Variants in PRSS38 observed in about 807,000 individuals in gnomAD.
PRSS38 encodes the protein marapsin 2.
PRSS38 carries 22 observed loss-of-function variants against 26.8 expected under a neutral mutation model. That is an observed-to-expected ratio of 0.82 (90% CI 0.59 to 1.17). The LOEUF is 1.17. PRSS38 is among the 50% of genes most tolerant of loss of function. The pLI, the probability that PRSS38 is intolerant of heterozygous loss-of-function variation, is 0.00. For missense variants in PRSS38, 427 were observed against 422.7 expected (o/e 1.01, Z -0.09); for synonymous variants, 175 against 172.1 (o/e 1.02, Z -0.13).
intron 3 of PRSS38, among the ~76,000 whole-genome samples, chr1:227,842,888 T>G (rs1232426878): frequency 6.6e-6 from 1 of 152,214 alleles, no homozygotes; most frequent in Non-Finnish European, 1.5e-5. Context: ...CTGAGGGAAC[T>G]TCTTACCATG....
intron 3 of PRSS38, among the ~76,000 whole-genome samples, chr1:227,834,864 T>C (rs1665216746): frequency 6.6e-6 from 1 of 152,052 alleles, no homozygotes; most frequent in African/African-American, 2.4e-5. Context: ...TTCATTGAAA[T>C]TAAAAACTTT....
chr1:227,846,200 G>T (rs752080874), exon 5 of PRSS38: 1 of 1,609,266 alleles, frequency 6.2e-7, no homozygotes, highest in Non-Finnish European at 8.5e-7. Flanking sequence ...TGGCTGGTCA[G>T]TGCTGTGAGG....
intron 3 of PRSS38, among the ~76,000 whole-genome samples, chr1:227,838,026 G>A (rs1227197460): frequency 6.6e-6 from 1 of 152,116 alleles, no homozygotes; most frequent in Non-Finnish European, 1.5e-5. Flanking sequence ...AAGGTGTTGG[G>A]ATGACAGTCG....
At chr1:227,817,390 T>C in exon 3 of PRSS38, 1 of 1,614,140 alleles carries the variant, frequency 6.2e-7, no homozygotes, top group Non-Finnish European at 8.5e-7. Flanking sequence ...GTTTTCTGAG[T>C]CCGTGCTCCC....
chr1:227,841,455 G>A (rs1249269674), intron 3 of PRSS38, among the ~76,000 whole-genome samples: 1 of 152,260 alleles, frequency 6.6e-6, no homozygotes, highest in Non-Finnish European at 1.5e-5. Context: ...TGTGGGAAAG[G>A]CGGGGAAGGG....
At chr1:227,818,729 T>A (rs1403008728) in intron 3 of PRSS38, among the ~76,000 whole-genome samples, 5 of 151,322 alleles carry the variant, frequency 3.3e-5, no homozygotes, top group Non-Finnish European at 5.9e-5. Flanking sequence ...GTCTAGAATT[T>A]TTTTTCTTAG....
intron 3 of PRSS38, among the ~76,000 whole-genome samples, chr1:227,818,137 G>A (rs1017450626): frequency 5.3e-5 from 8 of 152,172 alleles, no homozygotes; most frequent in African/African-American, 1.9e-4. Flanking sequence ...ACCTCCAGTA[G>A]AAATGATGCC....
chr1:227,817,393 G>A (rs368289127), exon 3 of PRSS38: 215 of 1,614,168 alleles, frequency 1.3e-4, no homozygotes, highest in South Asian at 4.1e-4. Flanking sequence ...TTCTGAGTCC[G>A]TGCTCCCGGT....
chr1:227,834,939 T>G (rs1407186305), intron 3 of PRSS38, among the ~76,000 whole-genome samples: 1 of 152,176 alleles, frequency 6.6e-6, no homozygotes. Context: ...AATTATGAAT[T>G]GATAAAAGCC....
At chr1:227,846,335 G>A in exon 5 of PRSS38, 1 of 1,233,296 alleles carries the variant, frequency 8.1e-7, no homozygotes, top group Non-Finnish European at 1.1e-6. Context: ...TCCCGGGGGT[G>A]GATGCTGAGT....
chr1:227,825,308 C>T (rs538797233), intron 3 of PRSS38, among the ~76,000 whole-genome samples: 6 of 152,172 alleles, frequency 3.9e-5, no homozygotes, highest in Non-Finnish European at 7.3e-5. Context: ...TGTCCTGCCT[C>T]AGCCTCTGGA....
At chr1:227,818,334 A>G (rs1212810795) in intron 3 of PRSS38, among the ~76,000 whole-genome samples, 2 of 152,266 alleles carry the variant, frequency 1.3e-5, no homozygotes, top group South Asian at 2.1e-4. Context: ...GTTTGCGGCA[A>G]CTCTTGAGAG....
At chr1:227,817,463 G>A in exon 3 of PRSS38, 1 of 1,614,196 alleles carries the variant, frequency 6.2e-7, no homozygotes, top group South Asian at 1.1e-5. Flanking sequence ...ACGGGATGGG[G>A]ACTAGTCTCA....
In PRSS38 at chr1:227,832,897, T is replaced by A. The variant is rs906011861; in HGVS notation, c.584-12573T>A. Among the ~76,000 whole-genome samples, 18 of 152,030 alleles carry A rather than the reference T, an allele frequency of 1.2e-4. No homozygotes were observed. The East Asian group carries it at 3.5e-3, about 29-fold the overall frequency. On this transcript the variant is annotated intron_variant, in intron 3 of 4. Coordinates refer to ENST00000366757, the Ensembl canonical transcript of PRSS38. ...GCTTCTATACAACCTCAATGAACAA[T>A]TCAAAAAGGAAATTAAGAAAATTGT...
intron 3 of PRSS38, among the ~76,000 whole-genome samples, chr1:227,817,867 T>C (rs1572079560): frequency 6.6e-6 from 1 of 152,196 alleles, no homozygotes; most frequent in East Asian, 1.9e-4. Flanking sequence ...CACTTTACAA[T>C]ATTTAGGTCT....
chr1:227,828,888 G>C (rs1487734258), intron 3 of PRSS38, among the ~76,000 whole-genome samples: 1 of 152,104 alleles, frequency 6.6e-6, no homozygotes, highest in Non-Finnish European at 1.5e-5. Context: ...TCTGTGTAGA[G>C]AGACCCAAGG....
intron 3 of PRSS38, among the ~76,000 whole-genome samples, chr1:227,824,144 T>C (rs1401820520): frequency 6.6e-6 from 1 of 152,100 alleles, no homozygotes; most frequent in African/African-American, 2.4e-5. Flanking sequence ...GCCATGGTGG[T>C]TTGCTGCACA....
At chr1:227,834,680 AT>A (rs777119568) in intron 3 of PRSS38, among the ~76,000 whole-genome samples, 1 of 116,466 alleles carries the variant, frequency 8.6e-6, no homozygotes, top group Non-Finnish European at 1.8e-5. Context: ...AAAAAAAAAA[AT>A]TAGCTGGGCG....
At chr1:227,826,040 GTC>G (rs1665068951) in intron 3 of PRSS38, among the ~76,000 whole-genome samples, 1 of 152,076 alleles carries the variant, frequency 6.6e-6, no homozygotes, top group African/African-American at 2.4e-5. Flanking sequence ...GTTTGTTTGT[GTC>G]CCCTCTGATT....
Sources: allele counts gnomAD v4.1 joint callset (sites outside exome capture counted in the v4.1 genomes callset), GRCh38; gene constraint gnomAD v4.1.1; transcripts MANE v1.5; gene names NCBI Gene and HGNC (gene_info 2026-07-23, HGNC 2026-07-21).